The following ADPRS variants were observed in gnomAD, a reference collection of about 807,000 sequenced individuals.
ADPRS encodes ADP-ribosylserine hydrolase.
In ADPRS, 25 loss-of-function variants were observed where a neutral mutation model predicts 32.1. The ratio of observed to expected loss-of-function variants is 0.78; its 90% CI spans 0.57 to 1.09. The LOEUF is 1.09. ADPRS is among the 50% of genes least tolerant of loss of function. The pLI is 0.00. For synonymous variants in ADPRS, 225 were observed against 201.0 expected, an observed-to-expected ratio of 1.12 and a Z score of -1.01; for missense variants, 482 against 480.6, an observed-to-expected ratio of 1.00 and a Z score of -0.03.
chr1:36,091,549 G>T, intron 2 of ADPRS, 69 bp from the exon 3 acceptor site: 1 of 1,448,860 alleles, frequency 6.9e-7, no homozygotes, highest in Non-Finnish European at 9.4e-7. Context: ...AACTAGCCTC[G>T]ATTTCTTCTC....
Position 36,091,689 on chromosome 1 carries a change from T to A in ADPRS, c.380T>A (p.Leu127His). ...GAGVVTVFKKLLNPKCRDVFE... is the reference protein window; with the variant it reads ...GAGVVTVFKKHLNPKCRDVFE... Reference sequence around the variant, plus strand: ...GGAGTAGTCACTGTCTTCAAGAAGCTCCTGAACCCCAAATGTCGCGATGTC... The same window carrying A: ...GGAGTAGTCACTGTCTTCAAGAAGCACCTGAACCCCAAATGTCGCGATGTC... The change falls in exon 3 of 6, where the codon CTC becomes CAC. Residue 127 changes from leucine (L) to histidine (H), a missense_variant. Physicochemically the swap from Leu to His is moderately conservative, Grantham distance 99. Coordinates refer to ENST00000373178, the MANE Select transcript of ADPRS (RefSeq NM_017825.3). 6.2e-7 allele frequency: 1 copy of A among 1,613,806 alleles called. No homozygotes were observed. Among genetic ancestry groups the A allele is most frequent in the Non-Finnish European group, 8.5e-7 (1 of 1,179,910 alleles).
At chr1:36,090,809 C>T (rs1643470298) in intron 1 of ADPRS, among the ~76,000 whole-genome samples, 1 of 151,594 alleles carries the variant, frequency 6.6e-6, no homozygotes, top group African/African-American at 2.4e-5. Context: ...ATGGTCGTAC[C>T]ACTGCACTGC....
chr1:36,093,664 A>C lies in ADPRS; in HGVS notation c.*278A>C, dbSNP rs1643517738. The C allele has an allele frequency of 6.9e-6, 3 of 434,006 alleles. No individual in the cohort carries two copies. Among genetic ancestry groups the C allele is most frequent in the Non-Finnish European group, 1.3e-5 (3 of 239,334 alleles). The allele number at this position is 434,006 out of a possible 1,614,324, so 26.9% of individuals were successfully genotyped here. ...ACAGACGCAGGCGGGTTTATTTTGG[A>C]GGGGTACTTGTGGCATTTTCCTGTA... On this transcript the variant is annotated 3_prime_UTR_variant, in exon 6 of 6. Transcript: ENST00000373178.
chr1:36,092,593 A>G, intron 5 of ADPRS, 71 bp downstream of exon 5: 14 of 1,427,492 alleles, frequency 9.8e-6, no homozygotes, highest in Non-Finnish European at 1.2e-5. Context: ...TCAGGGGAGC[A>G]TGGAGTCATG....
In ADPRS at chr1:36,091,803, G is replaced by A. The variant is rs1219006912; in HGVS notation, c.494G>A (p.Ser165Asn). 5 of 1,607,092 alleles carry A rather than the reference G, an allele frequency of 3.1e-6. No individual in the cohort carries two copies. The highest frequency in any genetic ancestry group is 4.3e-6 in the Non-Finnish European group (5 of 1,175,238). The change falls in exon 3 of 6, where the codon AGC becomes AAC. Residue 165 changes from serine to asparagine, a missense_variant. By Grantham distance (46) the Ser-to-Asn change is conservative. Coordinates refer to ENST00000373178, the MANE Select transcript of ADPRS (RefSeq NM_017825.3). Reference protein sequence around the residue: ...MRVAGISLAYSSVQDVQKFAR... With the variant: ...MRVAGISLAYNSVQDVQKFAR... Reference sequence around the variant, plus strand: ...GTGGCTGGCATCTCCCTGGCCTATAGCAGTGTCCAGGATGTGCAGAAGGTA... The same window carrying A: ...GTGGCTGGCATCTCCCTGGCCTATAACAGTGTCCAGGATGTGCAGAAGGTA...
Position 36,088,983 on chromosome 1 carries a change from C to T in ADPRS, c.79C>T (p.Leu27=). 3 of 1,485,444 alleles carry T rather than the reference C, an allele frequency of 2.0e-6. No individual in the cohort carries two copies. The highest frequency in any genetic ancestry group is 2.7e-6 in the Non-Finnish European group (3 of 1,123,060). The allele number at this position is 1,485,444 out of a possible 1,614,324, so 92.0% of individuals were successfully genotyped here. A position where few individuals can be genotyped will look rare whatever the true frequency, so the allele number is the denominator to read the frequency against. Residue 27 remains leucine (L), a synonymous_variant, in exon 1 of 6, where the codon CTG becomes TTG. Transcript: ENST00000373178. The part of the protein sequence containing the change: ...ARSLSRFRGC[L]AGALLGDCVG... ...CTCCCTCTCGCGCTTCCGAGGCTGC[C>T]TGGCTGGCGCGCTGCTCGGGGACTG...
chr1:36,089,791 C>A (rs900908716), intron 1 of ADPRS, among the ~76,000 whole-genome samples: 1 of 152,194 alleles, frequency 6.6e-6, no homozygotes, highest in Non-Finnish European at 1.5e-5. Flanking sequence ...TTCTGCTCTT[C>A]GGTTCCTCAC....
intron 1 of ADPRS, 75 bp downstream of exon 1, chr1:36,089,190 G>T (rs372297585): frequency 1.5e-6 from 2 of 1,356,494 alleles, no homozygotes; most frequent in Non-Finnish European, 1.9e-6. Context: ...CGGGGGCGAC[G>T]GGTCGGGGGT....
In ADPRS at chr1:36,089,245, G is replaced by A. The variant is rs1643444661; in HGVS notation, c.211+130G>A. 5.7e-6 allele frequency: 6 copies of A among 1,055,654 alleles called. No homozygotes were observed. The South Asian group carries it at 8.4e-5, about 15-fold the overall frequency. 65.4% of individuals were successfully genotyped at this position (1,055,654 alleles called of 1,614,324 possible). The stretch of plus-strand genomic sequence containing the variant: ...GAGGGCACCGGGGCCAGAGCCGGAT[G>A]ACCCGCAGACAGCTTGAGCTCAGCG... On this transcript the variant is annotated intron_variant, in intron 1 of 5. Transcript: ENST00000373178.
chr1:36,091,687 G>T lies in ADPRS; in HGVS notation c.378G>T (p.Lys126Asn). 6.2e-7 allele frequency: 1 copy of T among 1,613,858 alleles called. No homozygotes were observed. The highest frequency in any genetic ancestry group is 1.1e-5 in the South Asian group (1 of 90,992). ...YGAGVVTVFK[K>N]LLNPKCRDVF... ...CTGGAGTAGTCACTGTCTTCAAGAAGCTCCTGAACCCCAAATGTCGCGATG... is the reference window on the plus strand; with the variant it reads ...CTGGAGTAGTCACTGTCTTCAAGAATCTCCTGAACCCCAAATGTCGCGATG... Residue 126 changes from lysine (K) to asparagine (N), a missense_variant, in exon 3 of 6, where the codon AAG (lysine) becomes AAT (asparagine). Coordinates refer to ENST00000373178, the MANE Select transcript of ADPRS (RefSeq NM_017825.3).
At position 36,089,024 on chromosome 1, in the gene ADPRS, C is replaced by T. The variant is rs1303033786; in HGVS notation, c.120C>T (p.Tyr40=). ...ALLGDCVGSF[Y]EAHDTVDLTS... is the part of the protein sequence containing the mutation. ...TCGGGGACTGCGTGGGCTCCTTCTA[C>T]GAGGCCCACGACACCGTCGACCTGA... The change falls in exon 1 of 6, where the codon TAC becomes TAT. Residue 40 remains tyrosine, a synonymous_variant. Transcript: ENST00000373178. 1.0e-5 allele frequency: 15 copies of T among 1,475,770 alleles called. No homozygotes were observed. The highest frequency in any genetic ancestry group is 1.3e-5 in the Non-Finnish European group (15 of 1,117,872). The allele number at this position is 1,475,770 out of a possible 1,614,324, so 91.4% of individuals were successfully genotyped here.
chr1:36,091,542 T>C (rs2124053856), intron 2 of ADPRS, 76 bp from the exon 3 acceptor site: 25 of 1,418,198 alleles, frequency 1.8e-5, no homozygotes, highest in Middle Eastern at 1.8e-4. Flanking sequence ...TTTTCCAAAC[T>C]AGCCTCGATT....
intron 1 of ADPRS, among the ~76,000 whole-genome samples, chr1:36,090,940 G>A (rs1261294866): frequency 6.6e-6 from 1 of 152,176 alleles, no homozygotes; most frequent in Non-Finnish European, 1.5e-5. Context: ...GGAGGCCAAG[G>A]CAGGAGGATT....
At chr1:36,091,549 G>A (rs1038542370) in intron 2 of ADPRS, 69 bp from the exon 3 acceptor site, 18 of 1,448,860 alleles carry the variant, frequency 1.2e-5, no homozygotes, top group Non-Finnish European at 1.5e-5. Context: ...AACTAGCCTC[G>A]ATTTCTTCTC....
intron 1 of ADPRS, 114 bp downstream of exon 1, chr1:36,089,229 G>C: frequency 8.2e-7 from 1 of 1,219,916 alleles, no homozygotes; most frequent in Non-Finnish European, 1.1e-6. Context: ...CGAGGGCACC[G>C]GGGCCAGAGC....
rs1450554331 is a variant in ADPRS at position 36,088,945 on chromosome 1, C to G, written c.41C>G (p.Ala14Gly). The G allele has an allele frequency of 2.0e-6, 3 of 1,517,838 alleles. No homozygotes were observed. The highest frequency in any genetic ancestry group is 2.6e-6 in the Non-Finnish European group (3 of 1,138,282). The allele number at this position is 1,517,838 out of a possible 1,614,324, so 94.0% of individuals were successfully genotyped here. A position where few individuals can be genotyped will look rare whatever the true frequency, so the allele number is the denominator to read the frequency against. ...AAMAAAAGGGAGAARSLSRFR... is the reference protein window; with the variant it reads ...AAMAAAAGGGGGAARSLSRFR... ...ATGGCGGCAGCGGCAGGTGGAGGGG[C>G]TGGCGCGGCCCGCTCCCTCTCGCGC... Residue 14 changes from alanine to glycine, a missense_variant, in exon 1 of 6, where the codon GCT becomes GGT. Coordinates refer to ENST00000373178, the MANE Select transcript of ADPRS (RefSeq NM_017825.3).
intron 1 of ADPRS, among the ~76,000 whole-genome samples, chr1:36,090,427 TAGAA>T (rs903134083): frequency 1.4e-4 from 21 of 151,982 alleles, no homozygotes; most frequent in African/African-American, 4.3e-4. Flanking sequence ...ATACATAAAA[TAGAA>T]AGCAGCAGGA....
rs771961136 is a variant in ADPRS at position 36,091,952 on chromosome 1, G to C, written c.559G>C (p.Gly187Arg). 1 of 1,612,090 alleles carries C rather than the reference G, an allele frequency of 6.2e-7. No individual in the cohort carries two copies. Among genetic ancestry groups the C allele is most frequent in the Non-Finnish European group, 8.5e-7 (1 of 1,178,586 alleles). Residue 187 changes from glycine (G) to arginine (R), a missense_variant, in exon 4 of 6, where the codon GGT (glycine) becomes CGT (arginine). Transcript: ENST00000373178. ...SAQLTHASSL[G>R]YNGAILQALA... ...CCAGCTGACACACGCCTCCTCCCTG[G>C]GTTACAATGGCGCCATCCTGCAGGC... is the stretch of plus-strand genomic sequence containing the variant.
Position 36,091,614 on chromosome 1 carries a change from C to T in ADPRS, c.309-4C>T. 6.3e-7 allele frequency: 1 copy of T among 1,584,448 alleles called. No homozygotes were observed. The highest frequency in any genetic ancestry group is 2.2e-5 in the East Asian group (1 of 44,452). On this transcript the variant is annotated splice_region_variant and splice_polypyrimidine_tract_variant and intron_variant, in intron 2 of 5. Transcript: ENST00000373178. ...TGAATTCTGTCTCCCCTTCTGTTCC[C>T]TAGATTTGCTCAGGAGTACAAGAAA...
Sources: gnomAD v4.1 joint callset for allele counts (sites outside exome capture counted in the v4.1 genomes callset) on GRCh38, gnomAD v4.1.1 for gene constraint, MANE v1.5 for transcripts, NCBI Gene and HGNC (gene_info 2026-07-23, HGNC 2026-07-21) for gene names.